Variants in TPTE observed in about 807,000 individuals in gnomAD.
The protein encoded by TPTE is putative tyrosine-protein phosphatase TPTE.
TPTE carries 59 observed loss-of-function variants against 84.1 expected under a neutral mutation model. That is an observed-to-expected ratio of 0.70 (90% CI 0.57 to 0.87). TPTE has a LOEUF of 0.87. Ranked by LOEUF, TPTE falls within the 40% of genes least tolerant of loss-of-function variation. TPTE has a pLI of 0.00. For missense variants in TPTE, 382 were observed against 659.6 expected, an observed-to-expected ratio of 0.58 and a Z score of 4.61; for synonymous variants, 130 against 223.5, an observed-to-expected ratio of 0.58 and a Z score of 3.73.
intron 1 of TPTE, among the ~76,000 whole-genome samples, chr21:10,522,437 C>T (rs1278935145): frequency 6.6e-6 from 1 of 152,298 alleles, no homozygotes; most frequent in Non-Finnish European, 1.5e-5. Context: ...TTTGCCCAGT[C>T]GGCCCTTGGG....
intron 17 of TPTE, among the ~76,000 whole-genome samples, chr21:10,581,581 G>T (rs1182041969): frequency 3.3e-5 from 5 of 152,304 alleles, no homozygotes; most frequent in Non-Finnish European, 7.3e-5. Context: ...CAGGTTACCA[G>T]TAGTATCGTG....
intron 3 of TPTE, among the ~76,000 whole-genome samples, chr21:10,535,600 A>G (rs1372016836): frequency 1.3e-5 from 2 of 152,308 alleles, no homozygotes; most frequent in African/African-American, 2.4e-5. Context: ...CCAATCCCTT[A>G]GGAACCTCTG....
intron 10 of TPTE, among the ~76,000 whole-genome samples, chr21:10,565,482 T>C (rs1401709360): frequency 6.6e-6 from 1 of 152,312 alleles, no homozygotes; most frequent in Non-Finnish European, 1.5e-5. Context: ...TGAATGACAT[T>C]CTTCACAGAA....
chr21:10,555,840 AT>A (rs1286830575), intron 8 of TPTE, among the ~76,000 whole-genome samples: 3 of 152,424 alleles, frequency 2.0e-5, no homozygotes, highest in South Asian at 2.1e-4. Flanking sequence ...TAATTATACC[AT>A]TTTTTCCATC....
At chr21:10,566,177 TC>T (rs201701246) in intron 10 of TPTE, among the ~76,000 whole-genome samples, 1,360 of 151,760 alleles carry the variant, frequency 9.0e-3, no homozygotes, top group African/African-American at 0.032. Flanking sequence ...AATCTAATAA[TC>T]TAATCTTTTA....
intron 14 of TPTE, among the ~76,000 whole-genome samples, chr21:10,574,346 C>T (rs2075108160): frequency 6.6e-6 from 1 of 152,312 alleles, no homozygotes; most frequent in Non-Finnish European, 1.5e-5. Flanking sequence ...GCTGCAAGTT[C>T]AGCTACTTCC....
At chr21:10,583,831 C>T (rs1827355057) in intron 17 of TPTE, among the ~76,000 whole-genome samples, 1 of 152,312 alleles carries the variant, frequency 6.6e-6, no homozygotes, top group Admixed American at 6.5e-5. Flanking sequence ...CCCTGAGGAA[C>T]ATGAATCTGT....
intron 2 of TPTE, among the ~76,000 whole-genome samples, chr21:10,526,413 A>T (rs2074079927): frequency 6.6e-6 from 1 of 152,308 alleles, no homozygotes; most frequent in African/African-American, 2.4e-5. Flanking sequence ...AAAGACATAA[A>T]AAGATACCAT....
intron 17 of TPTE, among the ~76,000 whole-genome samples, chr21:10,588,146 G>A (rs1204407122): frequency 6.6e-6 from 1 of 152,290 alleles, no homozygotes; most frequent in Non-Finnish European, 1.5e-5. Context: ...ACTGCACCTG[G>A]CCCATGGCTC....
intron 10 of TPTE, among the ~76,000 whole-genome samples, chr21:10,563,038 C>T (rs210532): frequency 0.098 from 14,091 of 144,408 alleles, 6 homozygotes; most frequent in African/African-American, 0.26. Flanking sequence ...TATACGATGG[C>T]GCTACAATAT....
At chr21:10,548,011 C>A (rs376634375) in intron 7 of TPTE, among the ~76,000 whole-genome samples, 2 of 152,310 alleles carry the variant, frequency 1.3e-5, no homozygotes, top group Non-Finnish European at 2.9e-5. Context: ...AACAGCCTTG[C>A]GGGCCCCATC....
chr21:10,568,172 C>CA (rs200525829), intron 11 of TPTE, among the ~76,000 whole-genome samples: 390 of 151,076 alleles, frequency 2.6e-3, no homozygotes, highest in Admixed American at 0.025. Context: ...TCTGCTATAT[C>CA]AAAAAAATTT....
chr21:10,547,479 C>A (rs1320564857), intron 7 of TPTE, among the ~76,000 whole-genome samples: 1 of 152,308 alleles, frequency 6.6e-6, no homozygotes, highest in African/African-American at 2.4e-5. Context: ...AACACAAAGT[C>A]TTTACAACAG....
intron 17 of TPTE, among the ~76,000 whole-genome samples, chr21:10,581,191 T>C (rs1195220774): frequency 6.6e-6 from 1 of 152,304 alleles, no homozygotes; most frequent in Non-Finnish European, 1.5e-5. Flanking sequence ...GAATATTGTA[T>C]ATATACTGGA....
At chr21:10,592,204 G>A (rs201331570) in intron 18 of TPTE, 89 bp from the exon 19 acceptor site, 21,536 of 1,552,828 alleles carry the variant, frequency 0.014, 1 homozygote, top group East Asian at 0.12. Context: ...CTTTAGGAAA[G>A]AAGGTGGGCG....
chr21:10,551,509 A>G (rs145435631), intron 7 of TPTE, among the ~76,000 whole-genome samples: 1,123 of 151,816 alleles, frequency 7.4e-3, no homozygotes, highest in African/African-American at 0.025. Flanking sequence ...CCACTGAACA[A>G]TTCTACCTCA....
chr21:10,565,447 A>AT (rs1568977555), intron 10 of TPTE, among the ~76,000 whole-genome samples: 2 of 152,310 alleles, frequency 1.3e-5, no homozygotes, highest in African/African-American at 4.8e-5. Flanking sequence ...CAATTTACAG[A>AT]TTCAATGCAC....
At chr21:10,543,175 G>A (rs866954538) in intron 6 of TPTE, among the ~76,000 whole-genome samples, 154 bp from the exon 7 acceptor site, 2 of 139,944 alleles carry the variant, frequency 1.4e-5, no homozygotes, top group Middle Eastern at 7.0e-3. Flanking sequence ...GACTACAGGC[G>A]CCCGCCACCG....
intron 21 of TPTE, among the ~76,000 whole-genome samples, chr21:10,599,799 T>G (rs1203157370): frequency 6.7e-5 from 10 of 150,262 alleles, no homozygotes; most frequent in African/African-American, 2.4e-4. Context: ...ACAACTCTAA[T>G]TTAGTTAGTT....
Sources: gnomAD v4.1 joint callset for allele counts (sites outside exome capture counted in the v4.1 genomes callset) on GRCh38, gnomAD v4.1.1 for gene constraint, MANE v1.5 for transcripts, NCBI Gene and HGNC (gene_info 2026-07-23, HGNC 2026-07-21) for gene names.